Variants in MAGI2 observed in about 807,000 individuals in gnomAD.
MAGI2 encodes the protein membrane-associated guanylate kinase, WW and PDZ domain-containing protein 2.
A neutral mutation model predicts 133.3 loss-of-function variants in MAGI2; 35 were observed. The ratio of observed to expected loss-of-function variants is 0.26; its 90% CI spans 0.20 to 0.35. MAGI2 has a LOEUF of 0.35. Ranked by LOEUF, MAGI2 falls within the 10% of genes least tolerant of loss-of-function variation. MAGI2 has a pLI of 1.00. For synonymous variants in MAGI2, 729 were observed against 710.6 expected (o/e 1.03, Z -0.41); for missense variants, 1,636 against 1,863.4 (o/e 0.88, Z 2.25).
Position 78,127,332 on chromosome 7 carries a change from C to T in MAGI2, c.3288G>A (p.Leu1096=), listed in dbSNP as rs766995309. The change falls in exon 19 of 22, where the codon CTG becomes CTA. Residue 1096 remains leucine (L), a synonymous_variant. Transcript: ENST00000354212. ...PPFTDYRQPP[L]DYRQPPGGDY... is the part of the protein sequence containing the mutation. ...CCCCTCCTGGGGGTTGCCTGTAATC[C>T]AGCGGGGGCTGCCTGTAGTCTGTGA... 1 of 1,611,440 alleles carries T rather than the reference C, an allele frequency of 6.2e-7. No homozygotes were observed. Among genetic ancestry groups the T allele is most frequent in the Non-Finnish European group, 8.5e-7 (1 of 1,179,836 alleles).
intron 21 of MAGI2, among the ~76,000 whole-genome samples, chr7:78,057,389 C>T (rs1415381762): frequency 6.6e-6 from 1 of 152,074 alleles, no homozygotes; most frequent in African/African-American, 2.4e-5. Context: ...ATTACAGGTG[C>T]CCTCCACCAT....
intron 3 of MAGI2, among the ~76,000 whole-genome samples, chr7:78,563,687 C>T (rs773705406): frequency 5.3e-5 from 8 of 152,228 alleles, no homozygotes; most frequent in Non-Finnish European, 1.2e-4. Context: ...GTTGGTGCTG[C>T]TTCAAAGACA....
At chr7:79,018,979 C>T (rs532601329) in intron 1 of MAGI2, among the ~76,000 whole-genome samples, 1 of 152,222 alleles carries the variant, frequency 6.6e-6, no homozygotes, top group African/African-American at 2.4e-5. Flanking sequence ...TTAGACAGAT[C>T]ATTGAGGCAG....
At chr7:78,534,055 A>G (rs2885564) in intron 3 of MAGI2, among the ~76,000 whole-genome samples, 31,647 of 152,202 alleles carry the variant, frequency 0.21, 3,441 homozygotes, top group South Asian at 0.4. Flanking sequence ...CTGATAGCCT[A>G]TTATTTGCCA....
At chr7:78,990,600 C>T (rs1805664043) in intron 2 of MAGI2, among the ~76,000 whole-genome samples, 1 of 151,926 alleles carries the variant, frequency 6.6e-6, no homozygotes, top group Non-Finnish European at 1.5e-5. Context: ...GCCACTTACT[C>T]CAGCTTATAA....
chr7:78,038,403 ACTTTTT>A (rs56085549), intron 21 of MAGI2, among the ~76,000 whole-genome samples: 1 of 82,478 alleles, frequency 1.2e-5, no homozygotes, highest in Non-Finnish European at 2.3e-5. Context: ...TTGATGTTTT[ACTTTTT>A]AATTAACTTT....
intron 1 of MAGI2, among the ~76,000 whole-genome samples, chr7:79,110,516 A>G (rs1010728936): frequency 6.6e-6 from 1 of 152,190 alleles, no homozygotes; most frequent in African/African-American, 2.4e-5. Flanking sequence ...TGGAATGGGA[A>G]TGTTTACCCA....
intron 1 of MAGI2, among the ~76,000 whole-genome samples, chr7:79,012,953 C>T (rs1808321721): frequency 6.6e-6 from 1 of 152,086 alleles, no homozygotes; most frequent in South Asian, 2.1e-4. Flanking sequence ...GGTACCAATC[C>T]CATTCATGAG....
rs533919758 is a variant in MAGI2, at chr7:79,440,172, C to CT, written c.301+12847dup. On this transcript the variant is annotated intron_variant, in intron 1 of 21. Transcript: ENST00000354212. ...TTAGATATCACAGCATTTCTTTGTT[C>CT]TTTTTTTTTTTTCTTTACATGCTCT... Among the ~76,000 whole-genome samples, 391 of 143,382 alleles carry CT rather than the reference C, an allele frequency of 2.7e-3. 3 individuals are homozygous for CT. Among genetic ancestry groups the CT allele is most frequent in the East Asian group, 7.3e-3 (36 of 4,948 alleles). 94.1% of individuals were successfully genotyped at this position (143,382 alleles called of 152,430 possible). A position where few individuals can be genotyped will look rare whatever the true frequency, so the allele number is the denominator to read the frequency against.
intron 2 of MAGI2, among the ~76,000 whole-genome samples, chr7:78,645,427 T>C (rs1437650311): frequency 1.3e-5 from 2 of 152,100 alleles, no homozygotes; most frequent in Admixed American, 6.6e-5. Context: ...GCAAATTGAA[T>C]GGAACAATAT....
At chr7:79,337,586 T>G (rs1043616358) in intron 1 of MAGI2, among the ~76,000 whole-genome samples, 5 of 152,178 alleles carry the variant, frequency 3.3e-5, no homozygotes, top group Non-Finnish European at 7.4e-5. Flanking sequence ...TCTTTTTTGG[T>G]ACAATGAAAA....
chr7:78,249,806 G>GT (rs1460959595), intron 10 of MAGI2, among the ~76,000 whole-genome samples: 4 of 152,022 alleles, frequency 2.6e-5, no homozygotes, highest in African/African-American at 9.7e-5. Context: ...GTTGACTATA[G>GT]TTACCAATAA....
intron 10 of MAGI2, chr7:78,252,129 C>A (rs528716906): frequency 6.8e-5 from 8 of 117,222 alleles, no homozygotes; most frequent in East Asian, 4.7e-4. Context: ...CAGAGTGAGA[C>A]CCTGTCTATT....
intron 13 of MAGI2, among the ~76,000 whole-genome samples, chr7:78,181,234 T>A (rs1321673415): frequency 6.6e-6 from 1 of 152,102 alleles, no homozygotes; most frequent in South Asian, 2.1e-4. Context: ...TCTCTTTACC[T>A]CACTGCAACA....
At chr7:78,975,138 G>T (rs1314844859) in intron 2 of MAGI2, among the ~76,000 whole-genome samples, 1 of 151,726 alleles carries the variant, frequency 6.6e-6, no homozygotes, top group East Asian at 1.9e-4. Context: ...CAGGACATCA[G>T]TAAGGATATA....
chr7:79,393,698 A>G (rs1428249753), intron 1 of MAGI2, among the ~76,000 whole-genome samples: 1 of 152,218 alleles, frequency 6.6e-6, no homozygotes, highest in African/African-American at 2.4e-5. Context: ...CATATCAATA[A>G]TTTAATTTCT....
intron 1 of MAGI2, chr7:79,012,367 C>T (rs1426112447): frequency 6.6e-6 from 1 of 152,084 alleles, no homozygotes; most frequent in African/African-American, 2.4e-5. Context: ...ATCTTTGAGC[C>T]GGAAGTCTTC....
intron 2 of MAGI2, among the ~76,000 whole-genome samples, chr7:78,756,861 A>C (rs931775182): frequency 3.3e-5 from 5 of 152,254 alleles, no homozygotes; most frequent in Middle Eastern, 3.4e-3. Context: ...TCATTCACAC[A>C]ACCTTGATTA....
At chr7:78,242,765 G>T (rs1791294932) in intron 10 of MAGI2, among the ~76,000 whole-genome samples, 1 of 152,044 alleles carries the variant, frequency 6.6e-6, no homozygotes, top group Non-Finnish European at 1.5e-5. Flanking sequence ...GGTCATGGTG[G>T]TTTTTAAATT....
Sources: gnomAD v4.1 joint callset for allele counts (sites outside exome capture counted in the v4.1 genomes callset) on GRCh38, gnomAD v4.1.1 for gene constraint, MANE v1.5 for transcripts, NCBI Gene and HGNC (gene_info 2026-07-23, HGNC 2026-07-21) for gene names.